Variants in SYNJ1 observed in about 807,000 individuals in gnomAD.
The protein encoded by SYNJ1 is polyphosphatidylinositol phosphatase SYNJ1.
SYNJ1 carries 78 observed loss-of-function variants against 168.2 expected under a neutral mutation model. The ratio of observed to expected loss-of-function variants is 0.46; its 90% confidence interval spans 0.39 to 0.56. The LOEUF (loss-of-function observed/expected upper bound fraction) is 0.56, where lower values mean the gene tolerates loss of function less well. SYNJ1 is among the 20% of genes least tolerant of loss of function. The pLI is 0.00. For synonymous variants in SYNJ1, 539 were observed against 548.6 expected (o/e 0.98, Z 0.24); for missense variants, 1,303 against 1,597.6 (o/e 0.82, Z 3.14).
intron 12 of SYNJ1, 130 bp from the exon 13 acceptor site, chr21:32,676,485 G>T: frequency 2.7e-6 from 2 of 737,050 alleles, no homozygotes; most frequent in Non-Finnish European, 4.4e-6. Flanking sequence ...ATTTTTTTCT[G>T]ATAGCTATAG....
At chr21:32,708,896 T>C (rs1017927940) in intron 2 of SYNJ1, among the ~76,000 whole-genome samples, 2 of 151,918 alleles carry the variant, frequency 1.3e-5, no homozygotes, top group Admixed American at 6.6e-5. Flanking sequence ...AGCAAGTGGA[T>C]TGCTTGAACC....
intron 3 of SYNJ1, among the ~76,000 whole-genome samples, chr21:32,701,544 C>CGA (rs938508921): frequency 9.5e-6 from 1 of 105,132 alleles, no homozygotes; most frequent in African/African-American, 3.5e-5. Context: ...CATTACGTGG[C>CGA]AAAAAAAAAA....
rs1006755620 is a variant in SYNJ1, at chr21:32,688,287, T to A, written c.851+19A>T. The A allele has an allele frequency of 1.9e-6, 3 of 1,609,456 alleles. No homozygotes were observed. The highest frequency in any genetic ancestry group is 2.5e-6 in the Non-Finnish European group (3 of 1,177,662). ...TTAGCAATATCAAAACTTAAAGCAC[T>A]ATGTAAAAATTGTCTTACCTGTCAA... On this transcript the variant is annotated intron_variant, in intron 7 of 32. Coordinates refer to ENST00000674351, the MANE Select transcript of SYNJ1 (RefSeq NM_203446.3).
chr21:32,683,596 T>C (rs566800832), intron 10 of SYNJ1, among the ~76,000 whole-genome samples: 1 of 152,220 alleles, frequency 6.6e-6, no homozygotes, highest in South Asian at 2.1e-4. Flanking sequence ...ACAAACTGGA[T>C]TGGGTTACAA....
At chr21:32,713,994 A>G (rs607020) in intron 2 of SYNJ1, among the ~76,000 whole-genome samples, 83,501 of 152,096 alleles carry the variant, frequency 0.55, 23,520 homozygotes, top group African/African-American at 0.67. Context: ...TAGTAATAAT[A>G]TTCTATTTCT....
At chr21:32,676,290 A>G in intron 13 of SYNJ1, 42 bp downstream of exon 13, 1 of 1,503,226 alleles carries the variant, frequency 6.7e-7, no homozygotes. Context: ...AAAAAATAAG[A>G]AAAAATTGCT....
At chr21:32,712,394 G>A (rs1185966911) in intron 2 of SYNJ1, among the ~76,000 whole-genome samples, 2 of 152,108 alleles carry the variant, frequency 1.3e-5, no homozygotes, top group Non-Finnish European at 2.9e-5. Flanking sequence ...TGGCAGTAAA[G>A]CTTCTTTCCA....
chr21:32,658,827 G>T (rs558218395), intron 18 of SYNJ1, among the ~76,000 whole-genome samples: 336 of 152,336 alleles, frequency 2.2e-3, no homozygotes, highest in Non-Finnish European at 2.2e-3. Flanking sequence ...ATGCACTCCA[G>T]TTCCCACCTG....
At position 32,631,252 on chromosome 21, in the gene SYNJ1, C is replaced by T. The variant is rs755488018; in HGVS notation, c.*553G>A. On this transcript the variant is annotated 3_prime_UTR_variant, in exon 33 of 33. Transcript: ENST00000674351. ...TTTGACTTCCCTTTCACACCAAAAT[C>T]CTCTTCTTCCTCGAAGGTTACCCAT... is the stretch of plus-strand genomic sequence containing the variant. 2 of 1,614,116 alleles carry T rather than the reference C, an allele frequency of 1.2e-6. No homozygotes were observed. Among genetic ancestry groups the T allele is most frequent in the African/African-American group, 2.7e-5 (2 of 74,944 alleles).
At chr21:32,707,561 T>C (rs567913991) in intron 2 of SYNJ1, among the ~76,000 whole-genome samples, 1 of 152,278 alleles carries the variant, frequency 6.6e-6, no homozygotes, top group Non-Finnish European at 1.5e-5. Flanking sequence ...CTGAAACTTC[T>C]GGCTTCAAGT....
At chr21:32,690,001 C>T (rs562873535) in intron 6 of SYNJ1, among the ~76,000 whole-genome samples, 1 of 152,220 alleles carries the variant, frequency 6.6e-6, no homozygotes, top group South Asian at 2.1e-4. Flanking sequence ...TCACTCCATA[C>T]AAGTTCAAAA....
chr21:32,689,400 G>A (rs952557449), intron 6 of SYNJ1, among the ~76,000 whole-genome samples: 1 of 152,152 alleles, frequency 6.6e-6, no homozygotes, highest in Non-Finnish European at 1.5e-5. Context: ...GGGTTCAGGC[G>A]ATTCTCCTGC....
At position 32,695,227 on chromosome 21, in the gene SYNJ1, A is replaced by G; in HGVS notation, c.535T>C (p.Leu179=). The change falls in exon 5 of 33, where the codon TTA becomes CTA. Residue 179 remains leucine, a synonymous_variant. Transcript: ENST00000674351. ...ACTCCTCCACACATAAGACGTAATA[A>G]CCAGTCATCACAATTCACGCCATAG... The part of the protein sequence containing the change: ...KHYGVNCDDW[L]LRLMCGGVEI... 3 of 1,614,124 alleles carry G rather than the reference A, an allele frequency of 1.9e-6. No homozygotes were observed. Among genetic ancestry groups the G allele is most frequent in the South Asian group, 2.2e-5 (2 of 91,080 alleles).
rs1262512353 is a variant in SYNJ1, at chr21:32,670,391, G to T, written c.1727-19C>A. 4.4e-6 allele frequency: 7 copies of T among 1,593,960 alleles called. No homozygotes were observed. Among genetic ancestry groups the T allele is most frequent in the South Asian group, 1.1e-5 (1 of 90,396 alleles). On this transcript the variant is annotated intron_variant, in intron 14 of 32. Coordinates refer to ENST00000674351, the MANE Select transcript of SYNJ1 (RefSeq NM_203446.3). ...CTTTTATCTAAAATTAAGCATCCAA[G>T]AAATACTTTTAAATATAGCCTCAGG...
At position 32,645,749 on chromosome 21, in the gene SYNJ1, C is replaced by T; in HGVS notation, c.3288G>A (p.Gln1096=). 1 of 1,465,442 alleles carries T rather than the reference C, an allele frequency of 6.8e-7. No individual in the cohort carries two copies. The highest frequency in any genetic ancestry group is 9.0e-7 in the Non-Finnish European group (1 of 1,106,846). The allele number at this position is 1,465,442 out of a possible 1,614,324, so 90.8% of individuals were successfully genotyped here. Residue 1096 remains glutamine (Q), a synonymous_variant, in exon 25 of 33, where the codon CAG becomes CAA. Transcript: ENST00000674351. ...GCTCCAAGGGCTGGGCGGGGTCTTT[C>T]TGCGGCAGCGGCGTTGCTGGCTGCG... ...IDAQPATPLP[Q]KDPAQPLEPK... is the part of the protein sequence containing the mutation.
intron 18 of SYNJ1, among the ~76,000 whole-genome samples, chr21:32,660,317 T>G (rs2040641339): frequency 6.6e-6 from 1 of 152,256 alleles, no homozygotes; most frequent in Non-Finnish European, 1.5e-5. Context: ...GTGGTAACTT[T>G]GATGAATACC....
intron 29 of SYNJ1, among the ~76,000 whole-genome samples, chr21:32,641,467 CA>C (rs896900001): frequency 2.6e-5 from 4 of 151,550 alleles, no homozygotes; most frequent in Admixed American, 2.6e-4. Flanking sequence ...AGAAAAAAAC[CA>C]AAAAGAGAAA....
chr21:32,650,492 A>G, intron 22 of SYNJ1, 146 bp from the exon 23 acceptor site: 1 of 652,892 alleles, frequency 1.5e-6, no homozygotes, highest in Non-Finnish European at 2.4e-6. Flanking sequence ...TAGTTCTTTC[A>G]CATATACTAA....
intron 21 of SYNJ1, among the ~76,000 whole-genome samples, chr21:32,655,995 G>A (rs760842079): frequency 6.6e-6 from 1 of 152,040 alleles, no homozygotes; most frequent in Non-Finnish European, 1.5e-5. Flanking sequence ...CAGGGAGGGA[G>A]TCATTCTTAT....
Sources: gnomAD v4.1 joint callset for allele counts (sites outside exome capture counted in the v4.1 genomes callset) on GRCh38, gnomAD v4.1.1 for gene constraint, MANE v1.5 for transcripts, NCBI Gene and HGNC (gene_info 2026-07-23, HGNC 2026-07-21) for gene names.